The following ASIC2 variants were observed in gnomAD, a reference collection of about 807,000 sequenced individuals.
ASIC2 encodes the protein acid-sensing ion channel 2.
ASIC2 carries 25 observed loss-of-function variants against 57.3 expected under a neutral mutation model. The ratio of observed to expected loss-of-function variants is 0.44; its 90% confidence interval spans 0.32 to 0.61. The LOEUF is 0.61. ASIC2 is among the 20% of genes least tolerant of loss of function. ASIC2 has a pLI of 0.06. For synonymous variants in ASIC2, 319 were observed against 307.5 expected (o/e 1.04, Z -0.39); for missense variants, 641 against 738.1 (o/e 0.87, Z 1.52).
chr17:34,098,845 G>A (rs555350677), intron 1 of ASIC2, among the ~76,000 whole-genome samples: 1 of 152,176 alleles, frequency 6.6e-6, no homozygotes, highest in East Asian at 1.9e-4. Flanking sequence ...ATGCACGGTT[G>A]GGTAAGACAA....
At chr17:33,813,667 A>G (rs1008644434) in intron 1 of ASIC2, among the ~76,000 whole-genome samples, 1 of 152,098 alleles carries the variant, frequency 6.6e-6, no homozygotes, top group Non-Finnish European at 1.5e-5. Flanking sequence ...CGATTTCCTG[A>G]CCTCATGATC....
intron 1 of ASIC2, among the ~76,000 whole-genome samples, chr17:33,563,344 G>A (rs1916134726): frequency 2.6e-5 from 4 of 152,196 alleles, no homozygotes; most frequent in Admixed American, 2.0e-4. Flanking sequence ...TATGGTGGAT[G>A]AAACTGAAGC....
intron 1 of ASIC2, among the ~76,000 whole-genome samples, chr17:33,966,670 T>C (rs886232492): frequency 2.0e-5 from 3 of 152,176 alleles, no homozygotes; most frequent in Admixed American, 6.5e-5. Flanking sequence ...TGTACCCATT[T>C]TACAGATGAA....
intron 1 of ASIC2, among the ~76,000 whole-genome samples, chr17:33,115,650 G>A (rs999517108): frequency 2.6e-5 from 4 of 152,192 alleles, no homozygotes; most frequent in Non-Finnish European, 5.9e-5. Flanking sequence ...GAGGTGCTTG[G>A]CTTCTCCAGG....
At chr17:33,545,425 T>A (rs12938023) in intron 1 of ASIC2, among the ~76,000 whole-genome samples, 1 of 151,916 alleles carries the variant, frequency 6.6e-6, no homozygotes, top group Non-Finnish European at 1.5e-5. Flanking sequence ...TTGAAAAAAA[T>A]TGTGCATCTT....
rs192933915 is a variant in ASIC2 at position 33,674,508 on chromosome 17, T to C, written c.555+481470A>G. Reference sequence around the variant, plus strand: ...ATGGCAATAGTAGAAGCTACTATTCTTAGCACTTGCTCTGTGTCAGACATG... The same window carrying C: ...ATGGCAATAGTAGAAGCTACTATTCCTAGCACTTGCTCTGTGTCAGACATG... On this transcript the variant is annotated intron_variant, in intron 1 of 9. Transcript: ENST00000359872. Among the ~76,000 whole-genome samples, 3 of 152,346 alleles carry C rather than the reference T, an allele frequency of 2.0e-5. No individual in the cohort carries two copies. In the East Asian group the frequency reaches 5.8e-4, roughly 29 times the overall value.
chr17:33,206,444 C>T (rs978576942), intron 1 of ASIC2, among the ~76,000 whole-genome samples: 1 of 152,132 alleles, frequency 6.6e-6, no homozygotes, highest in African/African-American at 2.4e-5. Context: ...AGCCTTTGGA[C>T]TAATGGAGGC....
At chr17:33,826,611 G>A (rs1284490442) in intron 1 of ASIC2, among the ~76,000 whole-genome samples, 2 of 152,184 alleles carry the variant, frequency 1.3e-5, no homozygotes, top group Non-Finnish European at 2.9e-5. Context: ...GTGTTTCAGA[G>A]CTAGGGAAGG....
intron 1 of ASIC2, among the ~76,000 whole-genome samples, chr17:33,600,749 A>G (rs961430106): frequency 2.6e-5 from 4 of 152,182 alleles, no homozygotes; most frequent in African/African-American, 9.7e-5. Flanking sequence ...GTGAGGGCTC[A>G]TAAGAAGAAA....
At chr17:33,869,726 A>G (rs1914339238) in intron 1 of ASIC2, among the ~76,000 whole-genome samples, 1 of 152,250 alleles carries the variant, frequency 6.6e-6, no homozygotes, top group Non-Finnish European at 1.5e-5. Flanking sequence ...ATGGTTGCCT[A>G]TGGCTAAGAG....
chr17:33,929,165 A>T (rs1187746509), intron 1 of ASIC2, among the ~76,000 whole-genome samples: 1 of 152,114 alleles, frequency 6.6e-6, no homozygotes, highest in East Asian at 1.9e-4. Context: ...AATCTGCAGG[A>T]GACTGGCTCA....
intron 1 of ASIC2, among the ~76,000 whole-genome samples, chr17:33,869,294 C>T (rs189755825): frequency 1.2e-4 from 18 of 152,060 alleles, no homozygotes; most frequent in Non-Finnish European, 2.1e-4. Context: ...AAATTGGAAC[C>T]CTCATACACT....
intron 1 of ASIC2, among the ~76,000 whole-genome samples, chr17:33,942,901 A>G (rs1916222939): frequency 6.6e-6 from 1 of 152,192 alleles, no homozygotes; most frequent in Non-Finnish European, 1.5e-5. Context: ...TATGCTCTCC[A>G]CAGTAATAGT....
At chr17:34,002,788 T>G (rs1906388059) in intron 1 of ASIC2, 2 of 152,194 alleles carry the variant, frequency 1.3e-5, no homozygotes, top group Non-Finnish European at 2.9e-5. Flanking sequence ...GCTGGTATGG[T>G]TTTTTTCTCC....
chr17:33,636,609 A>G (rs1351084276), intron 1 of ASIC2, among the ~76,000 whole-genome samples: 1 of 152,186 alleles, frequency 6.6e-6, no homozygotes, highest in Non-Finnish European at 1.5e-5. Context: ...TATGGGGCAC[A>G]TGTCTCTGGG....
intron 1 of ASIC2, among the ~76,000 whole-genome samples, chr17:33,498,180 G>C (rs911404223): frequency 5.3e-5 from 8 of 152,232 alleles, no homozygotes; most frequent in African/African-American, 1.9e-4. Flanking sequence ...TGCTTCACTC[G>C]TGTGTCTGTT....
chr17:33,561,146 C>G (rs1015953141), intron 1 of ASIC2, among the ~76,000 whole-genome samples: 16 of 152,096 alleles, frequency 1.1e-4, no homozygotes, highest in Admixed American at 6.6e-5. Flanking sequence ...GAATGTTAGG[C>G]CCACTCATTA....
At chr17:33,469,267 T>A (rs1205959866) in intron 1 of ASIC2, among the ~76,000 whole-genome samples, 2 of 152,144 alleles carry the variant, frequency 1.3e-5, no homozygotes, top group African/African-American at 4.8e-5. Flanking sequence ...CAAAGCCCAG[T>A]GTGTGGGCTT....
At chr17:33,901,166 T>A (rs1028681012) in intron 1 of ASIC2, among the ~76,000 whole-genome samples, 1 of 152,182 alleles carries the variant, frequency 6.6e-6, no homozygotes, top group East Asian at 1.9e-4. Context: ...ATCCTGTGCA[T>A]GTCTTTGGGC....
Sources: gnomAD v4.1 joint callset for allele counts (sites outside exome capture counted in the v4.1 genomes callset) on GRCh38, gnomAD v4.1.1 for gene constraint, MANE v1.5 for transcripts, NCBI Gene and HGNC (gene_info 2026-07-23, HGNC 2026-07-21) for gene names.